The following EYA2 variants were observed in gnomAD, a reference collection of about 807,000 sequenced individuals.
The protein encoded by EYA2 is protein phosphatase EYA2.
In EYA2, 31 loss-of-function variants were observed where a neutral mutation model predicts 69.2. The observed-to-expected ratio is 0.45, with a 90% CI of 0.34 to 0.60. The LOEUF is 0.60. Among genes scored for constraint, EYA2 ranks in the 20% least tolerant of loss-of-function variants. The pLI is 0.02. For synonymous variants in EYA2, 257 were observed against 279.4 expected, an observed-to-expected ratio of 0.92 and a Z score of 0.80; for missense variants, 622 against 701.2, an observed-to-expected ratio of 0.89 and a Z score of 1.28.
chr20:47,128,959 T>C (rs1046073319), intron 9 of EYA2, among the ~76,000 whole-genome samples: 6 of 152,014 alleles, frequency 3.9e-5, no homozygotes, highest in African/African-American at 1.2e-4. Context: ...CCTGTCTTCA[T>C]TAAAAAATAC....
intron 1 of EYA2, among the ~76,000 whole-genome samples, chr20:46,987,916 G>GACTCTCTCTCTCTCTC (rs56288405): frequency 0.02 from 399 of 20,354 alleles, 126 homozygotes; most frequent in South Asian, 0.044. Context: ...GACAGAGTAA[G>GACTCTCTCTCTCTCTC]TCTCTCTCTC....
At chr20:47,099,745 G>A (rs563451306) in intron 9 of EYA2, among the ~76,000 whole-genome samples, 286 of 152,198 alleles carry the variant, frequency 1.9e-3, no homozygotes, top group Non-Finnish European at 1.7e-3. Context: ...CCTCCAAAAG[G>A]ACTTTCCTCA....
At chr20:47,032,453 T>G (rs1227846262) in intron 5 of EYA2, among the ~76,000 whole-genome samples, 1 of 152,214 alleles carries the variant, frequency 6.6e-6, no homozygotes, top group African/African-American at 2.4e-5. Flanking sequence ...TTCCAGAACA[T>G]TCTCTATGTA....
intron 10 of EYA2, among the ~76,000 whole-genome samples, chr20:47,152,319 T>C (rs1007259464): frequency 3.3e-5 from 5 of 151,938 alleles, no homozygotes; most frequent in Non-Finnish European, 5.9e-5. Context: ...ACCACCTGTA[T>C]TGTGAATTAC....
chr20:46,986,912 G>A (rs1379435816), intron 1 of EYA2, among the ~76,000 whole-genome samples: 1 of 151,980 alleles, frequency 6.6e-6, no homozygotes, highest in African/African-American at 2.4e-5. Context: ...GAGTTGAAGG[G>A]GACAAAGTCC....
intron 5 of EYA2, among the ~76,000 whole-genome samples, chr20:47,036,552 T>G (rs898728031): frequency 3.9e-5 from 6 of 152,196 alleles, no homozygotes; most frequent in Admixed American, 3.9e-4. Context: ...TTGATAATAG[T>G]GTTTTTAACT....
intron 7 of EYA2, 149 bp downstream of exon 7, chr20:47,074,484 C>T (rs963422237): frequency 7.8e-6 from 6 of 771,690 alleles, no homozygotes; most frequent in Non-Finnish European, 1.2e-5. Flanking sequence ...AAGGAGGGAC[C>T]TGGATATGGG....
intron 1 of EYA2, among the ~76,000 whole-genome samples, chr20:46,896,356 A>G (rs1021025908): frequency 2.6e-5 from 4 of 152,076 alleles, no homozygotes; most frequent in Non-Finnish European, 4.4e-5. Flanking sequence ...TTACCAGACT[A>G]TGACCCATTT....
chr20:47,078,341 A>G (rs1465613721), intron 7 of EYA2, among the ~76,000 whole-genome samples: 1 of 145,766 alleles, frequency 6.9e-6, no homozygotes, highest in South Asian at 2.2e-4. Flanking sequence ...GCACACACAC[A>G]CACACACACA....
intron 5 of EYA2, among the ~76,000 whole-genome samples, chr20:47,057,556 C>T (rs1295343960): frequency 2.7e-5 from 4 of 147,066 alleles, no homozygotes; most frequent in Non-Finnish European, 6.0e-5. Context: ...CACTTGCAGT[C>T]CTGGTAGGTT....
At chr20:47,166,408 A>T (rs1392491239) in intron 10 of EYA2, among the ~76,000 whole-genome samples, 27 of 128,944 alleles carry the variant, frequency 2.1e-4, no homozygotes, top group South Asian at 5.0e-4. Context: ...AAAAAAAAAA[A>T]AAAAAAAAAA....
chr20:47,064,856 G>A (rs1291894941), intron 5 of EYA2, among the ~76,000 whole-genome samples: 3 of 152,152 alleles, frequency 2.0e-5, no homozygotes, highest in Admixed American at 6.5e-5. Context: ...CAACATGAGA[G>A]ATGCTGTTCA....
At chr20:47,059,476 A>G (rs1048447651) in intron 5 of EYA2, among the ~76,000 whole-genome samples, 1 of 152,042 alleles carries the variant, frequency 6.6e-6, no homozygotes, top group African/African-American at 2.4e-5. Flanking sequence ...TCAGCCTCCC[A>G]AGTAGCTAGG....
intron 10 of EYA2, among the ~76,000 whole-genome samples, chr20:47,148,021 T>TGCA (rs561121452): frequency 0.16 from 22,566 of 145,168 alleles, 1,921 homozygotes; most frequent in African/African-American, 0.19. Context: ...ATCGCCCCAC[T>TGCA]GTACTCCAGC....
intron 1 of EYA2, among the ~76,000 whole-genome samples, chr20:46,942,643 G>T (rs983486774): frequency 6.6e-6 from 1 of 152,182 alleles, no homozygotes; most frequent in South Asian, 2.1e-4. Context: ...TCCCTTCTCT[G>T]ACTCTCCTGT....
intron 7 of EYA2, among the ~76,000 whole-genome samples, chr20:47,078,692 A>G (rs1202715132): frequency 1.3e-5 from 2 of 152,234 alleles, no homozygotes; most frequent in South Asian, 4.1e-4. Context: ...AAACCAAATC[A>G]TTGGTTACTT....
At chr20:47,075,012 G>A (rs1028415889) in intron 7 of EYA2, among the ~76,000 whole-genome samples, 3 of 152,262 alleles carry the variant, frequency 2.0e-5, no homozygotes, top group African/African-American at 7.2e-5. Context: ...TAGGGCGGCT[G>A]AGGTAGGAGA....
At chr20:46,952,727 C>T (rs1387503866) in intron 1 of EYA2, among the ~76,000 whole-genome samples, 10 of 152,312 alleles carry the variant, frequency 6.6e-5, no homozygotes, top group South Asian at 2.1e-4. Context: ...CTGAGGCCTG[C>T]GAGTTCAGCC....
At chr20:46,980,940 G>GT (rs1480932446) in intron 1 of EYA2, among the ~76,000 whole-genome samples, 2 of 152,120 alleles carry the variant, frequency 1.3e-5, no homozygotes, top group Non-Finnish European at 2.9e-5. Context: ...GGATTTCATT[G>GT]TTTTTTATGG....
Sources: gnomAD v4.1 joint callset for allele counts (sites outside exome capture counted in the v4.1 genomes callset) on GRCh38, gnomAD v4.1.1 for gene constraint, MANE v1.5 for transcripts, NCBI Gene and HGNC (gene_info 2026-07-23, HGNC 2026-07-21) for gene names.